Variants in ACVR2A observed in about 807,000 individuals in gnomAD.
ACVR2A encodes activin receptor type-2A.
A neutral mutation model predicts 61.4 loss-of-function variants in ACVR2A; 7 were observed. The ratio of observed to expected loss-of-function variants is 0.11; its 90% CI spans 0.06 to 0.21. The LOEUF (loss-of-function observed/expected upper bound fraction) is 0.21, where lower values mean the gene tolerates loss of function less well. ACVR2A is among the 10% of genes least tolerant of loss of function. The pLI, the probability that ACVR2A is intolerant of heterozygous loss-of-function variation, is 1.00. For synonymous variants in ACVR2A, 193 were observed against 208.3 expected (o/e 0.93, Z 0.63); for missense variants, 322 against 621.7 (o/e 0.52, Z 5.13).
chr2:147,895,938 C>A (rs1424759164), intron 1 of ACVR2A, among the ~76,000 whole-genome samples: 1 of 152,070 alleles, frequency 6.6e-6, no homozygotes, highest in Non-Finnish European at 1.5e-5. Context: ...CAACTGTAGT[C>A]ACTATGCAGC....
intron 4 of ACVR2A, among the ~76,000 whole-genome samples, chr2:147,905,451 G>C (rs1034408349): frequency 6.6e-6 from 1 of 151,642 alleles, no homozygotes; most frequent in Non-Finnish European, 1.5e-5. Context: ...TTTGTATTAG[G>C]TTTCTGCAAA....
intron 1 of ACVR2A, among the ~76,000 whole-genome samples, chr2:147,848,557 G>A (rs1392671262): frequency 2.0e-5 from 3 of 152,070 alleles, no homozygotes; most frequent in Non-Finnish European, 2.9e-5. Flanking sequence ...AAAAAACCCT[G>A]TTCTAAGAAA....
At position 147,927,346 on chromosome 2, in the gene ACVR2A, C is replaced by T; in HGVS notation, c.*72C>T. The T allele has an allele frequency of 7.2e-7, 1 of 1,384,484 alleles. No individual in the cohort carries two copies. The highest frequency in any genetic ancestry group is 9.8e-7 in the Non-Finnish European group (1 of 1,018,276). The allele number at this position is 1,384,484 out of a possible 1,614,324, so 85.8% of individuals were successfully genotyped here. A position where few individuals can be genotyped will look rare whatever the true frequency, so the allele number is the denominator to read the frequency against. ...GCTGCTAAGCTAAAGAAACTGCTTA[C>T]AGTTTATTTTCTGTGTAAAATGAGT... On this transcript the variant is annotated 3_prime_UTR_variant, in exon 11 of 11. Coordinates refer to ENST00000241416, the MANE Select transcript of ACVR2A (RefSeq NM_001616.5).
At chr2:147,904,983 T>C (rs1428930058) in intron 4 of ACVR2A, among the ~76,000 whole-genome samples, 1 of 152,088 alleles carries the variant, frequency 6.6e-6, no homozygotes, top group East Asian at 1.9e-4. Context: ...AACACATCTC[T>C]TTCTCTTCTG....
chr2:147,847,689 C>G (rs1685347253), intron 1 of ACVR2A, among the ~76,000 whole-genome samples: 1 of 152,170 alleles, frequency 6.6e-6, no homozygotes, highest in African/African-American at 2.4e-5. Flanking sequence ...CCTCCTCTCT[C>G]TCATTCCAGG....
intron 9 of ACVR2A, among the ~76,000 whole-genome samples, chr2:147,923,996 G>A (rs944812545): frequency 3.9e-5 from 6 of 151,980 alleles, no homozygotes; most frequent in African/African-American, 1.4e-4. Context: ...TCAATATAGG[G>A]TACTATTAAA....
intron 1 of ACVR2A, among the ~76,000 whole-genome samples, chr2:147,880,973 A>G (rs1686284440): frequency 1.3e-5 from 2 of 152,166 alleles, no homozygotes. Flanking sequence ...TCTTTGTTTA[A>G]TGGAAATCTA....
chr2:147,900,104 C>T (rs1195732627), intron 4 of ACVR2A, among the ~76,000 whole-genome samples: 1 of 151,990 alleles, frequency 6.6e-6, no homozygotes, highest in African/African-American at 2.4e-5. Flanking sequence ...GGGTTGAGGT[C>T]GAGTAGAATG....
intron 4 of ACVR2A, among the ~76,000 whole-genome samples, chr2:147,914,757 T>C (rs1172308602): frequency 6.6e-6 from 1 of 151,984 alleles, no homozygotes; most frequent in East Asian, 1.9e-4. Context: ...GAGAAAGTAA[T>C]AGATCTTCAG....
intron 1 of ACVR2A, among the ~76,000 whole-genome samples, chr2:147,868,433 A>G (rs1356868420): frequency 6.6e-6 from 1 of 151,982 alleles, no homozygotes; most frequent in Admixed American, 6.6e-5. Flanking sequence ...ATGTTTTAAG[A>G]TTTTTCTTTC....
intron 1 of ACVR2A, among the ~76,000 whole-genome samples, chr2:147,864,103 T>C (rs914483959): frequency 1.3e-5 from 2 of 152,236 alleles, no homozygotes; most frequent in Non-Finnish European, 2.9e-5. Context: ...ACATGCTAGA[T>C]AAGTACGAAT....
At chr2:147,872,051 G>GTA (rs1686034307) in intron 1 of ACVR2A, among the ~76,000 whole-genome samples, 1 of 151,980 alleles carries the variant, frequency 6.6e-6, no homozygotes, top group Non-Finnish European at 1.5e-5. Flanking sequence ...ACCTGATCAC[G>GTA]TATTTTCCAT....
At chr2:147,903,953 G>A (rs1686929666) in intron 4 of ACVR2A, among the ~76,000 whole-genome samples, 1 of 152,006 alleles carries the variant, frequency 6.6e-6, no homozygotes, top group African/African-American at 2.4e-5. Flanking sequence ...TGATAATGAA[G>A]TATGTCCAGG....
chr2:147,920,973 T>G (rs1282928063), intron 8 of ACVR2A, among the ~76,000 whole-genome samples: 3 of 152,138 alleles, frequency 2.0e-5, no homozygotes, highest in Non-Finnish European at 4.4e-5. Context: ...TACAGTTTAT[T>G]CTCAGAAACT....
intron 1 of ACVR2A, among the ~76,000 whole-genome samples, chr2:147,894,835 A>G (rs888167922): frequency 5.9e-5 from 9 of 152,184 alleles, no homozygotes; most frequent in Non-Finnish European, 1.0e-4. Context: ...CTAAATAGCC[A>G]TAGGTTGTTA....
At chr2:147,855,231 G>T (rs1006052991) in intron 1 of ACVR2A, among the ~76,000 whole-genome samples, 2 of 152,146 alleles carry the variant, frequency 1.3e-5, no homozygotes, top group Non-Finnish European at 2.9e-5. Flanking sequence ...ACTGGGGTGG[G>T]GAAGGGTGTG....
chr2:147,883,033 T>C (rs1558801798), intron 1 of ACVR2A, among the ~76,000 whole-genome samples: 2 of 152,346 alleles, frequency 1.3e-5, no homozygotes, highest in South Asian at 2.1e-4. Context: ...GTGTGGACTT[T>C]ATGATAACTT....
chr2:147,921,398 A>G (rs1687378963), intron 8 of ACVR2A, among the ~76,000 whole-genome samples: 1 of 152,174 alleles, frequency 6.6e-6, no homozygotes, highest in South Asian at 2.1e-4. Context: ...ACAAAGCTAA[A>G]TGGTTCAGGC....
chr2:147,852,633 A>G (rs979056181), intron 1 of ACVR2A, among the ~76,000 whole-genome samples: 6 of 152,122 alleles, frequency 3.9e-5, no homozygotes, highest in African/African-American at 1.4e-4. Context: ...CTTTTGGACT[A>G]GTCGAATAAA....
Sources: gnomAD v4.1 joint callset for allele counts (sites outside exome capture counted in the v4.1 genomes callset) on GRCh38, gnomAD v4.1.1 for gene constraint, MANE v1.5 for transcripts, NCBI Gene and HGNC (gene_info 2026-07-23, HGNC 2026-07-21) for gene names.